The following CDKAL1 variants were observed in gnomAD, a reference collection of about 807,000 sequenced individuals.
CDKAL1 encodes the protein threonylcarbamoyladenosine tRNA methylthiotransferase.
A neutral mutation model predicts 68.2 loss-of-function variants in CDKAL1; 32 were observed. The ratio of observed to expected loss-of-function variants is 0.47; its 90% CI spans 0.35 to 0.63. CDKAL1 has a LOEUF of 0.63. CDKAL1 is among the 30% of genes least tolerant of loss of function. The probability of loss-of-function intolerance (pLI) is 0.00; values close to 1 mark genes in which losing one functional copy is unlikely to be tolerated. For missense variants in CDKAL1, 606 were observed against 696.7 expected (o/e 0.87, Z 1.47); for synonymous variants, 234 against 244.3 (o/e 0.96, Z 0.39).
At chr6:20,656,424 C>T (rs990615338) in intron 5 of CDKAL1, among the ~76,000 whole-genome samples, 11 of 149,922 alleles carry the variant, frequency 7.3e-5, no homozygotes, top group Admixed American at 2.0e-4. Flanking sequence ...AGAAGAAGGA[C>T]GAATTAAACT....
chr6:20,698,362 C>T (rs1771196218), intron 5 of CDKAL1, among the ~76,000 whole-genome samples: 1 of 152,160 alleles, frequency 6.6e-6, no homozygotes, highest in Non-Finnish European at 1.5e-5. Context: ...TTCTCACAAC[C>T]AAGAAATTAA....
At chr6:20,796,685 T>A (rs972089258) in intron 8 of CDKAL1, among the ~76,000 whole-genome samples, 1 of 152,174 alleles carries the variant, frequency 6.6e-6, no homozygotes, top group Non-Finnish European at 1.5e-5. Context: ...GTCAGACCCA[T>A]GCAAATATGG....
chr6:21,021,727 GT>G (rs1315021975), intron 11 of CDKAL1, among the ~76,000 whole-genome samples: 1 of 152,108 alleles, frequency 6.6e-6, no homozygotes, highest in Non-Finnish European at 1.5e-5. Context: ...CAAAACCAGA[GT>G]TTTCGTCACC....
chr6:21,216,410 G>T (rs898920057), intron 15 of CDKAL1, among the ~76,000 whole-genome samples: 30 of 152,160 alleles, frequency 2.0e-4, no homozygotes, highest in Admixed American at 1.9e-3. Flanking sequence ...AAGGCTGCAA[G>T]TGAGCTATAA....
chr6:21,142,509 C>G (rs1003785846), intron 13 of CDKAL1, among the ~76,000 whole-genome samples: 2 of 152,134 alleles, frequency 1.3e-5, no homozygotes, highest in Non-Finnish European at 1.5e-5. Context: ...AGCTCAAGAA[C>G]TAAATGAGAC....
intron 13 of CDKAL1, among the ~76,000 whole-genome samples, chr6:21,173,907 G>GA (rs1777484055): frequency 6.6e-6 from 1 of 152,042 alleles, no homozygotes; most frequent in Non-Finnish European, 1.5e-5. Context: ...CCATCTCTGT[G>GA]AAAAAGATTT....
chr6:21,179,514 G>T (rs1390151416), intron 13 of CDKAL1, among the ~76,000 whole-genome samples: 1 of 152,010 alleles, frequency 6.6e-6, no homozygotes, highest in African/African-American at 2.4e-5. Context: ...CATTAAATTT[G>T]TTTCATATTT....
intron 9 of CDKAL1, among the ~76,000 whole-genome samples, chr6:20,950,468 C>T (rs944163193): frequency 4.6e-5 from 7 of 151,970 alleles, no homozygotes; most frequent in African/African-American, 1.7e-4. Context: ...AAGAAAGAAC[C>T]CCTAAAAATT....
intron 8 of CDKAL1, among the ~76,000 whole-genome samples, chr6:20,826,650 C>T (rs997640493): frequency 2.0e-5 from 3 of 152,138 alleles, no homozygotes; most frequent in Non-Finnish European, 2.9e-5. Context: ...ATACTAATCA[C>T]GAACTCCGTC....
intron 8 of CDKAL1, among the ~76,000 whole-genome samples, chr6:20,797,786 T>G (rs187069320): frequency 1.7e-3 from 246 of 144,700 alleles, no homozygotes; most frequent in African/African-American, 5.9e-3. Context: ...TTTATTTTAT[T>G]TTATTTTATT....
At chr6:21,161,500 A>G (rs1382802642) in intron 13 of CDKAL1, among the ~76,000 whole-genome samples, 1 of 152,214 alleles carries the variant, frequency 6.6e-6, no homozygotes, top group East Asian at 1.9e-4. Flanking sequence ...TGCCCATTGA[A>G]CTGAATATGC....
chr6:21,162,916 G>A (rs1363509954), intron 13 of CDKAL1, among the ~76,000 whole-genome samples: 1 of 152,076 alleles, frequency 6.6e-6, no homozygotes, highest in Non-Finnish European at 1.5e-5. Flanking sequence ...TCCAGCCTGG[G>A]CAACACAGCA....
In CDKAL1 at chr6:20,668,815, A is replaced by T. The variant is rs1296510950; in HGVS notation, c.371+19438A>T. On this transcript the variant is annotated intron_variant, in intron 5 of 15. Coordinates refer to ENST00000274695, the MANE Select transcript of CDKAL1 (RefSeq NM_017774.3). The stretch of plus-strand genomic sequence containing the variant: ...CACCTCCAATCTGGAACAGATCCTC[A>T]TTTTTTTCTTCTTCTTTTATGACAT... Among the ~76,000 whole-genome samples the T allele has an allele frequency of 3.9e-5, 6 of 152,074 alleles. No individual in the cohort carries two copies. The East Asian group carries it at 7.7e-4, about 20-fold the overall frequency.
At chr6:21,045,050 C>A (rs775148993) in intron 11 of CDKAL1, among the ~76,000 whole-genome samples, 2 of 152,206 alleles carry the variant, frequency 1.3e-5, no homozygotes, top group Non-Finnish European at 2.9e-5. Flanking sequence ...ATGATGTCAT[C>A]ACTTCCCAAA....
intron 5 of CDKAL1, among the ~76,000 whole-genome samples, chr6:20,673,328 G>A (rs546645185): frequency 2.4e-4 from 36 of 152,252 alleles, no homozygotes; most frequent in South Asian, 1.0e-3. Context: ...TTAAATGGGC[G>A]TAGTACTTGC....
At chr6:20,752,873 T>G (rs953263724) in intron 6 of CDKAL1, among the ~76,000 whole-genome samples, 2 of 152,224 alleles carry the variant, frequency 1.3e-5, no homozygotes, top group African/African-American at 4.8e-5. Context: ...CTCAGATTCA[T>G]AGTAGCATTC....
At chr6:21,130,020 G>A (rs2151019510) in intron 13 of CDKAL1, among the ~76,000 whole-genome samples, 1 of 152,082 alleles carries the variant, frequency 6.6e-6, no homozygotes, top group Non-Finnish European at 1.5e-5. Flanking sequence ...CTCCTAGTCT[G>A]ATATGTCTTT....
intron 12 of CDKAL1, among the ~76,000 whole-genome samples, chr6:21,077,959 C>A (rs1363172100): frequency 6.6e-6 from 1 of 152,080 alleles, no homozygotes; most frequent in Non-Finnish European, 1.5e-5. Flanking sequence ...AGGGCAGAAA[C>A]AAAGGTCAGA....
At position 21,003,558 on chromosome 6, in the gene CDKAL1, T is replaced by C. The variant is rs186090446; in HGVS notation, c.1055+3186T>C. On this transcript the variant is annotated intron_variant, in intron 11 of 15. Coordinates refer to ENST00000274695, the MANE Select transcript of CDKAL1 (RefSeq NM_017774.3). ...TCCAGCCTGGGTGACAGAGTGAGAC[T>C]CCATCTCAAAAATAAAAAAAGAAAG... Among the ~76,000 whole-genome samples the C allele has an allele frequency of 9.3e-5, 14 of 150,368 alleles. No individual in the cohort carries two copies. The East Asian group carries it at 2.7e-3, about 30-fold the overall frequency.
Sources: allele counts gnomAD v4.1 joint callset (sites outside exome capture counted in the v4.1 genomes callset), GRCh38; gene constraint gnomAD v4.1.1; transcripts MANE v1.5; gene names NCBI Gene and HGNC (gene_info 2026-07-23, HGNC 2026-07-21).